Variants in ADGRL2 observed in about 807,000 individuals in gnomAD.
ADGRL2 encodes adhesion G protein-coupled receptor L2, also known as calcium-independent alpha-latrotoxin receptor 2.
A neutral mutation model predicts 157.4 loss-of-function variants in ADGRL2; 44 were observed. That is an observed-to-expected ratio of 0.28 (90% confidence interval 0.22 to 0.36). The LOEUF (loss-of-function observed/expected upper bound fraction) is 0.36, where lower values mean the gene tolerates loss of function less well. ADGRL2 is among the 10% of genes least tolerant of loss of function. The pLI is 1.00. For missense variants in ADGRL2, 1,510 were observed against 1,768.9 expected (o/e 0.85, Z 2.63); for synonymous variants, 585 against 624.7 (o/e 0.94, Z 0.95).
intron 2 of ADGRL2, among the ~76,000 whole-genome samples, chr1:81,504,202 C>CA (rs1360290524): frequency 3.9e-5 from 6 of 152,278 alleles, no homozygotes; most frequent in Non-Finnish European, 8.8e-5. Flanking sequence ...GCCGCCCCCC[C>CA]AAACCTCATG....
chr1:81,456,127 G>A (rs115445154), intron 2 of ADGRL2, among the ~76,000 whole-genome samples: 1,584 of 152,276 alleles, frequency 0.01, 10 homozygotes, highest in Non-Finnish European at 0.016. Flanking sequence ...TGTCTTCAAA[G>A]TGTTACATAA....
At chr1:81,397,739 T>C (rs553955517) in intron 1 of ADGRL2, among the ~76,000 whole-genome samples, 1 of 152,358 alleles carries the variant, frequency 6.6e-6, no homozygotes, top group East Asian at 1.9e-4. Flanking sequence ...ACATGTGGTC[T>C]ATGCTGAAGA....
At chr1:81,394,552 G>A (rs1011145987) in intron 1 of ADGRL2, among the ~76,000 whole-genome samples, 11 of 152,196 alleles carry the variant, frequency 7.2e-5, no homozygotes, top group Middle Eastern at 3.4e-3. Flanking sequence ...TTATTCTGTT[G>A]TATGGTTGAA....
chr1:81,775,857 C>T (rs537222765), intron 2 of ADGRL2, among the ~76,000 whole-genome samples: 1 of 152,250 alleles, frequency 6.6e-6, no homozygotes, highest in South Asian at 2.1e-4. Flanking sequence ...TAAATGTATA[C>T]ATTCATGTAT....
At chr1:81,963,101 A>G (rs1261228563) in intron 11 of ADGRL2, among the ~76,000 whole-genome samples, 1 of 151,952 alleles carries the variant, frequency 6.6e-6, no homozygotes, top group African/African-American at 2.4e-5. Context: ...ATAAAGTTAT[A>G]TATTTTTCTT....
At chr1:81,728,418 G>A (rs887404282) in intron 1 of ADGRL2, among the ~76,000 whole-genome samples, 5 of 152,138 alleles carry the variant, frequency 3.3e-5, no homozygotes, top group Non-Finnish European at 5.9e-5. Flanking sequence ...GCCTTTAAAT[G>A]CAGGTATTTG....
intron 1 of ADGRL2, among the ~76,000 whole-genome samples, chr1:81,706,312 A>G (rs1369055093): frequency 6.6e-6 from 1 of 152,226 alleles, no homozygotes; most frequent in Non-Finnish European, 1.5e-5. Context: ...AGGGTTTTGC[A>G]TATTATTGCA....
intron 10 of ADGRL2, 124 bp downstream of exon 10, chr1:81,953,149 C>G: frequency 1.3e-6 from 1 of 746,950 alleles, no homozygotes; most frequent in South Asian, 1.9e-5. Flanking sequence ...CCCATATCAG[C>G]TGTACAAATG....
rs987979290 is a variant in ADGRL2, at chr1:81,351,039, G to A, written c.-302+44530G>A. 1.2e-3 allele frequency among the ~76,000 whole-genome samples: 187 copies of A among 152,190 alleles called. 1 individual carries two copies. The highest frequency in any genetic ancestry group is 4.4e-3 in the African/African-American group (183 of 41,534). Reference sequence around the variant, plus strand: ...ATTTCCCACCCCACCAGATTATGAAGATTTAAAACTTGATCAAAATTTGAC... The same window carrying A: ...ATTTCCCACCCCACCAGATTATGAAAATTTAAAACTTGATCAAAATTTGAC... On this transcript the variant is annotated intron_variant, in intron 1 of 24. Transcript: ENST00000370721.
At chr1:81,883,797 ATTTTTG>A (rs1215349431) in intron 2 of ADGRL2, among the ~76,000 whole-genome samples, 23 of 151,654 alleles carry the variant, frequency 1.5e-4, no homozygotes, top group African/African-American at 5.1e-4. Context: ...CTCTATCTGG[ATTTTTG>A]TAATTATTAC....
intron 2 of ADGRL2, among the ~76,000 whole-genome samples, chr1:81,541,651 T>G (rs1403067999): frequency 6.6e-6 from 1 of 152,096 alleles, no homozygotes; most frequent in Non-Finnish European, 1.5e-5. Context: ...GTGCACTGTA[T>G]TAGAAATATC....
intron 2 of ADGRL2, among the ~76,000 whole-genome samples, chr1:81,512,174 G>T (rs1473717942): frequency 2.0e-5 from 3 of 152,180 alleles, no homozygotes; most frequent in Non-Finnish European, 4.4e-5. Flanking sequence ...AAAAAGATGA[G>T]AGAATGGGTT....
At chr1:81,803,428 T>C (rs899588382) in intron 1 of ADGRL2, among the ~76,000 whole-genome samples, 1 of 148,670 alleles carries the variant, frequency 6.7e-6, no homozygotes, top group South Asian at 2.1e-4. Flanking sequence ...GAGTGGAGGC[T>C]TTTTTTCCCC....
At chr1:81,567,554 T>A (rs1336155325) in intron 2 of ADGRL2, among the ~76,000 whole-genome samples, 1 of 152,116 alleles carries the variant, frequency 6.6e-6, no homozygotes, top group African/African-American at 2.4e-5. Flanking sequence ...AAACACTTCG[T>A]GTCCCAAGAT....
chr1:81,769,788 T>A (rs903485494), intron 2 of ADGRL2, among the ~76,000 whole-genome samples: 8 of 152,142 alleles, frequency 5.3e-5, no homozygotes, highest in African/African-American at 1.9e-4. Flanking sequence ...CTTACCACTT[T>A]TAGTGTTTCA....
chr1:81,516,722 A>G (rs969754744), intron 2 of ADGRL2, among the ~76,000 whole-genome samples: 10 of 152,366 alleles, frequency 6.6e-5, no homozygotes, highest in African/African-American at 2.4e-4. Context: ...CAATCATTCT[A>G]TCCCTAGTTA....
At chr1:81,817,602 GT>G (rs2090541772) in intron 1 of ADGRL2, among the ~76,000 whole-genome samples, 1 of 152,000 alleles carries the variant, frequency 6.6e-6, no homozygotes, top group Non-Finnish European at 1.5e-5. Context: ...AAAGGCAGAT[GT>G]TTCAGTCTTT....
chr1:81,608,260 G>T (rs1186727435), intron 3 of ADGRL2, among the ~76,000 whole-genome samples: 2 of 152,268 alleles, frequency 1.3e-5, no homozygotes, highest in South Asian at 2.1e-4. Flanking sequence ...GGTAGAATCA[G>T]CCTGAGAGCT....
rs181770251 is a variant in ADGRL2 at position 81,846,510 on chromosome 1, C to T, written c.73+9453C>T. Reference sequence around the variant, plus strand: ...TTTCCTGGAAAAAAAAGAAGGGATTCGTATGAAGCCTGGTTAAGTTTTGCA... The same window carrying T: ...TTTCCTGGAAAAAAAAGAAGGGATTTGTATGAAGCCTGGTTAAGTTTTGCA... On this transcript the variant is annotated intron_variant, in intron 2 of 23. Transcript: ENST00000686636. Among the ~76,000 whole-genome samples, 44 of 151,336 alleles carry T rather than the reference C, an allele frequency of 2.9e-4. 1 individual carries two copies. In the East Asian group the frequency reaches 6.6e-3, roughly 23 times the overall value.
Sources: allele counts gnomAD v4.1 joint callset (sites outside exome capture counted in the v4.1 genomes callset), GRCh38; gene constraint gnomAD v4.1.1; transcripts MANE v1.5; gene names NCBI Gene and HGNC (gene_info 2026-07-23, HGNC 2026-07-21).